Variants in TGM7 observed in about 807,000 individuals in gnomAD.
The protein encoded by TGM7 is protein-glutamine gamma-glutamyltransferase Z.
Under a neutral mutation model 79.5 loss-of-function variants are expected in TGM7, and 74 were observed. The observed-to-expected ratio is 0.93, with a 90% CI of 0.77 to 1.13. The LOEUF is 1.13. TGM7 is among the 50% of genes most tolerant of loss of function. The pLI, the probability that TGM7 is intolerant of heterozygous loss-of-function variation, is 0.00. For missense variants in TGM7, 912 were observed against 905.9 expected (o/e 1.01, Z -0.09); for synonymous variants, 354 against 362.5 (o/e 0.98, Z 0.27).
In TGM7 at chr15:43,279,803, GGGTATCCT is replaced by G; in HGVS notation, c.1492_1499del (p.Ile499ValfsTer90). 5.0e-6 allele frequency: 8 copies of G among 1,614,188 alleles called. No homozygotes were observed. The highest frequency in any genetic ancestry group is 6.8e-6 in the Non-Finnish European group (8 of 1,180,040). On this transcript the variant is annotated frameshift_variant, in exon 10 of 13. Transcript: ENST00000452443. LOFTEE classifies it high-confidence loss of function. The stretch of plus-strand genomic sequence containing the variant: ...GCAGCTGCAGGTCCTGGCCCCACTC[GGGTATCCT>G]GGCCAGGTGAAGCTGCAGCTGCGCT...
intron 6 of TGM7, among the ~76,000 whole-genome samples, chr15:43,286,658 A>G (rs2042937029): frequency 6.6e-6 from 1 of 152,144 alleles, no homozygotes; most frequent in African/African-American, 2.4e-5. Context: ...CGAGCTCCAT[A>G]ATGTAGCAGG....
intron 11 of TGM7, among the ~76,000 whole-genome samples, chr15:43,277,843 A>T (rs1168507545): frequency 6.6e-6 from 1 of 152,228 alleles, no homozygotes; most frequent in Non-Finnish European, 1.5e-5. Context: ...TGGGGTCCAA[A>T]CAAAAATACC....
Position 43,284,827 on chromosome 15 carries a change from G to T in TGM7, c.991C>A (p.Arg331=), listed in dbSNP as rs1431242330. The part of the protein sequence containing the change: ...RNAEMLSTQK[R]DKIWNFHVWN... ...AGTGCCTCTCACCATATTTTGTCTCGTTTCTGAGTTGACAGCATCTCGGCA... is the reference window on the plus strand; with the variant it reads ...AGTGCCTCTCACCATATTTTGTCTCTTTTCTGAGTTGACAGCATCTCGGCA... The change falls in exon 7 of 13, where the codon CGA becomes AGA. Residue 331 remains arginine (R), a synonymous_variant. Transcript: ENST00000452443. 1 of 1,614,128 alleles carries T rather than the reference G, an allele frequency of 6.2e-7. No homozygotes were observed. The highest frequency in any genetic ancestry group is 2.2e-5 in the East Asian group (1 of 44,882).
chr15:43,288,633 G>A (rs927978333), intron 4 of TGM7, among the ~76,000 whole-genome samples: 1 of 152,026 alleles, frequency 6.6e-6, no homozygotes, highest in African/African-American at 2.4e-5. Flanking sequence ...TATGGTATCT[G>A]TAATTTGCTT....
chr15:43,284,836 T>C lies in TGM7; in HGVS notation c.982A>G (p.Thr328Ala). 6.2e-7 allele frequency: 1 copy of C among 1,614,184 alleles called. No homozygotes were observed. Among genetic ancestry groups the C allele is most frequent in the Non-Finnish European group, 8.5e-7 (1 of 1,180,032 alleles). The change falls in exon 7 of 13, where the codon ACT (threonine) becomes GCT (alanine). Residue 328 changes from threonine to alanine, a missense_variant. Coordinates refer to ENST00000452443, the MANE Select transcript of TGM7 (RefSeq NM_052955.3). The stretch of plus-strand genomic sequence containing the variant: ...CACCATATTTTGTCTCGTTTCTGAG[T>C]TGACAGCATCTCGGCATTTCGGTCA... ...YYDRNAEMLS[T>A]QKRDKIWNFH... is the part of the protein sequence containing the mutation.
rs150327246 is a variant in TGM7, at chr15:43,300,970, T to G, written c.10+1271A>C. ...CTCTGTCTTGCATTTAAAAACCATT[T>G]ATATCTCTATTTTTATTTTGTGTTT... On this transcript the variant is annotated intron_variant, in intron 1 of 12. Transcript: ENST00000452443. 1.8e-3 allele frequency among the ~76,000 whole-genome samples: 275 copies of G among 152,248 alleles called. 1 individual carries two copies. Among genetic ancestry groups the G allele is most frequent in the Non-Finnish European group, 3.4e-3 (230 of 68,018 alleles).
chr15:43,292,849 G>C lies in TGM7; in HGVS notation c.299C>G (p.Ser100Cys). ...SASDFTIDSN[S>C]LQVSLFTPAN... ...TGGTGTGAAAAGGGAAACTTGGAGA[G>C]AGTTGGAGTCAATGGTGAAATCAGA... Residue 100 changes from serine (S) to cysteine (C), a missense_variant, in exon 3 of 13, where the codon TCT becomes TGT. Ser to Cys is a moderately radical substitution (Grantham distance 112). Transcript: ENST00000452443. 1 of 1,614,098 alleles carries C rather than the reference G, an allele frequency of 6.2e-7. No homozygotes were observed. The highest frequency in any genetic ancestry group is 8.5e-7 in the Non-Finnish European group (1 of 1,180,048).
chr15:43,297,587 T>TAGAAAAGAA (rs1555386112), intron 1 of TGM7, among the ~76,000 whole-genome samples: 10 of 114,570 alleles, frequency 8.7e-5, no homozygotes, highest in Admixed American at 3.8e-4. Context: ...TCTGCATGTA[T>TAGAAAAGAA]AGAAAGAAAG....
intron 1 of TGM7, among the ~76,000 whole-genome samples, chr15:43,297,719 A>T (rs1366671207): frequency 2.0e-5 from 3 of 152,192 alleles, no homozygotes; most frequent in African/African-American, 4.8e-5. Flanking sequence ...CTGACACCAA[A>T]ACCCAAGACA....
intron 7 of TGM7, among the ~76,000 whole-genome samples, chr15:43,284,343 TAC>T (rs10654403): frequency 1.3e-5 from 2 of 150,512 alleles, no homozygotes; most frequent in Admixed American, 6.6e-5. Context: ...TGCACAGAGA[TAC>T]ACACACACAC....
At chr15:43,289,819 G>T (rs2142413172) in intron 4 of TGM7, among the ~76,000 whole-genome samples, 1 of 152,306 alleles carries the variant, frequency 6.6e-6, no homozygotes, top group East Asian at 1.9e-4. Context: ...GGCCAGTGAT[G>T]ATGAGCATTT....
chr15:43,295,979 T>G (rs2042989959), intron 1 of TGM7, among the ~76,000 whole-genome samples: 1 of 152,240 alleles, frequency 6.6e-6, no homozygotes. Flanking sequence ...CAGTTCCAAC[T>G]CATTTAGTAG....
intron 1 of TGM7, among the ~76,000 whole-genome samples, chr15:43,294,576 T>C (rs2042983421): frequency 1.3e-5 from 2 of 152,268 alleles, no homozygotes; most frequent in African/African-American, 4.8e-5. Context: ...TAGTTACTCT[T>C]ACTGGTAGGA....
intron 4 of TGM7, among the ~76,000 whole-genome samples, chr15:43,290,001 C>T (rs956269191): frequency 1.3e-5 from 2 of 151,982 alleles, no homozygotes; most frequent in African/African-American, 4.8e-5. Flanking sequence ...AAATTTTCTC[C>T]CATTCTGTAG....
rs781250310 is a variant in TGM7 at position 43,287,354 on chromosome 15, T to A, written c.791A>T (p.Gln264Leu). 6.2e-7 allele frequency: 1 copy of A among 1,614,054 alleles called. No individual in the cohort carries two copies. Among genetic ancestry groups the A allele is most frequent in the African/African-American group, 1.3e-5 (1 of 74,944 alleles). ...CTGCCCGCCCCTGGCTGACCACTGC[T>A]GTAGGATGGCCACACTGCCCTTCCA... ...LEWKGSVAIL[Q>L]QWSARGGQPV... is the part of the protein sequence containing the mutation. The change falls in exon 6 of 13, where the codon CAG (glutamine) becomes CTG (leucine). Residue 264 changes from glutamine (Q) to leucine (L), a missense_variant. Physicochemically the swap from Gln to Leu is moderately radical, Grantham distance 113. Transcript: ENST00000452443.
intron 1 of TGM7, among the ~76,000 whole-genome samples, chr15:43,300,264 C>T (rs2043019372): frequency 6.6e-6 from 1 of 152,326 alleles, no homozygotes; most frequent in Non-Finnish European, 1.5e-5. Flanking sequence ...ACATCATCTC[C>T]TGCTATTCCT....
chr15:43,297,725 A>G (rs1178666640), intron 1 of TGM7, among the ~76,000 whole-genome samples: 1 of 152,202 alleles, frequency 6.6e-6, no homozygotes, highest in Non-Finnish European at 1.5e-5. Context: ...CCAAAACCCA[A>G]GACAGCCCTG....
rs138098998 is a variant in TGM7, at chr15:43,279,204, C to T, written c.1752G>A (p.Val584=). 639 of 1,614,170 alleles carry T rather than the reference C, an allele frequency of 4.0e-4. 2 individuals are homozygous for T. In the African/African-American group the frequency reaches 7.6e-3, roughly 19 times the overall value. The part of the protein sequence containing the change: ...NKLTDEKLIR[V]SGIAEVEETG... ...TCTCTTCAACCTCCGCGATGCCAGA[C>T]ACGCGGATGAGCTTTTCGTCCGTTA... The change falls in exon 11 of 13, where the codon GTG becomes GTA. Residue 584 remains valine (V), a synonymous_variant. Transcript: ENST00000452443.
chr15:43,298,531 C>T (rs901878658), intron 1 of TGM7, among the ~76,000 whole-genome samples: 38 of 152,214 alleles, frequency 2.5e-4, no homozygotes, highest in Non-Finnish European at 4.9e-4. Flanking sequence ...CCGAGGCGGG[C>T]GGATCACAAG....
Sources: allele counts gnomAD v4.1 joint callset (sites outside exome capture counted in the v4.1 genomes callset), GRCh38; gene constraint gnomAD v4.1.1; transcripts MANE v1.5; gene names NCBI Gene and HGNC (gene_info 2026-07-23, HGNC 2026-07-21).